The following MACROD2 variants were observed in gnomAD, a reference collection of about 807,000 sequenced individuals.
MACROD2 encodes ADP-ribose glycohydrolase MACROD2.
MACROD2 carries 36 observed loss-of-function variants against 70.4 expected under a neutral mutation model. The observed-to-expected ratio is 0.51, with a 90% confidence interval of 0.39 to 0.68. MACROD2 has a LOEUF of 0.68. Ranked by LOEUF, MACROD2 falls within the 30% of genes least tolerant of loss-of-function variation. The pLI, the probability that MACROD2 is intolerant of heterozygous loss-of-function variation, is 0.00. For synonymous variants in MACROD2, 172 were observed against 178.8 expected (o/e 0.96, Z 0.30); for missense variants, 496 against 538.4 (o/e 0.92, Z 0.78).
chr20:14,340,484 C>G (rs974900339), intron 3 of MACROD2, among the ~76,000 whole-genome samples: 24 of 151,128 alleles, frequency 1.6e-4, no homozygotes, highest in African/African-American at 5.4e-4. Flanking sequence ...TAGTACAGGG[C>G]CAATAACAGA....
chr20:14,143,779 T>C (rs770725686), intron 3 of MACROD2, among the ~76,000 whole-genome samples: 1 of 152,310 alleles, frequency 6.6e-6, no homozygotes, highest in Non-Finnish European at 1.5e-5. Flanking sequence ...ATGTTTAAAT[T>C]GTAATTTTGC....
In MACROD2 at chr20:14,230,654, T is replaced by TATATATA; in HGVS notation, c.271+144927_271+144928insTATATAA. Among the ~76,000 whole-genome samples, 13 of 74,240 alleles carry TATATATA rather than the reference T, an allele frequency of 1.8e-4. 1 individual carries two copies. In the South Asian group the frequency reaches 3.7e-3, roughly 21 times the overall value. The allele number at this position is 74,240 out of a possible 152,430, so 48.7% of individuals were successfully genotyped here. ...GTTTATATATATATATATATATATATAACACAGGCTGGGCCTATATATATA... is the reference window on the plus strand; with the variant it reads ...GTTTATATATATATATATATATATATATATATAAACACAGGCTGGGCCTATATATATA... On this transcript the variant is annotated intron_variant, in intron 3 of 17. Coordinates refer to ENST00000684519, the MANE Select transcript of MACROD2 (RefSeq NM_001351661.2).
chr20:14,457,809 T>C (rs1052305926), intron 3 of MACROD2, among the ~76,000 whole-genome samples: 2 of 152,198 alleles, frequency 1.3e-5, no homozygotes, highest in South Asian at 2.1e-4. Context: ...ATTTATATCA[T>C]AAATTAAAAG....
intron 8 of MACROD2, among the ~76,000 whole-genome samples, chr20:15,529,742 C>T (rs112862492): frequency 0.028 from 4,277 of 152,194 alleles, 67 homozygotes; most frequent in Non-Finnish European, 0.041. Context: ...ATTAAAACTC[C>T]TAACTTGACT....
chr20:14,106,786 C>T (rs950018613), intron 3 of MACROD2, among the ~76,000 whole-genome samples: 2 of 152,120 alleles, frequency 1.3e-5, no homozygotes, highest in Admixed American at 1.3e-4. Context: ...AGAGTCTCTG[C>T]CTAGTAATCC....
At chr20:14,183,876 TG>T (rs1361587831) in intron 3 of MACROD2, among the ~76,000 whole-genome samples, 5 of 152,258 alleles carry the variant, frequency 3.3e-5, no homozygotes, top group African/African-American at 7.2e-5. Flanking sequence ...CTCTTTGTAA[TG>T]GGGTTGTTTA....
At chr20:15,954,442 A>G (rs570875069) in intron 12 of MACROD2, among the ~76,000 whole-genome samples, 2 of 152,248 alleles carry the variant, frequency 1.3e-5, no homozygotes, top group African/African-American at 4.8e-5. Flanking sequence ...TATAACACTC[A>G]CTGCCATCTC....
Position 14,120,104 on chromosome 20 carries a change from T to C in MACROD2, c.271+34376T>C, listed in dbSNP as rs1454790226. Among the ~76,000 whole-genome samples, 5 of 148,576 alleles carry C rather than the reference T, an allele frequency of 3.4e-5. 1 individual carries two copies. The highest frequency in any genetic ancestry group is 2.7e-4 in the Admixed American group (4 of 14,768). On this transcript the variant is annotated intron_variant, in intron 3 of 17. Transcript: ENST00000684519. ...GGTGAGCACCTGTAATCCTAGCTAC[T>C]CGGGAGGCTGAGGCAAGGGAATTGC...
At chr20:15,759,816 T>C (rs1454546575) in intron 8 of MACROD2, among the ~76,000 whole-genome samples, 1 of 152,200 alleles carries the variant, frequency 6.6e-6, no homozygotes, top group Non-Finnish European at 1.5e-5. Context: ...CCCAGCAGTT[T>C]AGGCCAGAAG....
intron 3 of MACROD2, among the ~76,000 whole-genome samples, chr20:14,187,137 AGG>A (rs142963341): frequency 5.4e-5 from 7 of 128,742 alleles, no homozygotes; most frequent in African/African-American, 1.7e-4. Flanking sequence ...AGTTTAAAAA[AGG>A]AAAAAAAAAA....
intron 3 of MACROD2, among the ~76,000 whole-genome samples, chr20:14,096,133 G>C (rs1343093599): frequency 6.6e-6 from 1 of 152,098 alleles, no homozygotes; most frequent in Non-Finnish European, 1.5e-5. Context: ...CACACTTTTG[G>C]ACTGAGAGTG....
rs147469488 is a variant in MACROD2, at chr20:15,532,785, C to A, written c.645+32938C>A. Among the ~76,000 whole-genome samples the A allele has an allele frequency of 2.7e-3, 404 of 152,018 alleles. 2 individuals are homozygous for A. The highest frequency in any genetic ancestry group is 9.4e-3 in the African/African-American group (388 of 41,346). The stretch of plus-strand genomic sequence containing the variant: ...CTGGGTCTTAGGAAATCTTACCCCC[C>A]ATCCTGGTGTTGTCCTTATGAGCTC... On this transcript the variant is annotated intron_variant, in intron 8 of 17. Transcript: ENST00000684519.
chr20:15,727,171 G>A (rs967831950), intron 8 of MACROD2, among the ~76,000 whole-genome samples: 1 of 152,112 alleles, frequency 6.6e-6, no homozygotes, highest in African/African-American at 2.4e-5. Flanking sequence ...TGGCTAGCCA[G>A]TTATCCCAGC....
intron 4 of MACROD2, among the ~76,000 whole-genome samples, chr20:14,551,396 A>G (rs969766457): frequency 1.3e-5 from 2 of 152,246 alleles, no homozygotes; most frequent in African/African-American, 4.8e-5. Flanking sequence ...GATGAATGTC[A>G]TGAAAATGTT....
intron 3 of MACROD2, among the ~76,000 whole-genome samples, chr20:14,307,911 T>A (rs1398241679): frequency 3.9e-5 from 6 of 152,150 alleles, no homozygotes; most frequent in Non-Finnish European, 8.8e-5. Flanking sequence ...TTACTTTGGA[T>A]GATCTTACTG....
At chr20:16,004,122 A>T (rs753625014) in intron 15 of MACROD2, among the ~76,000 whole-genome samples, 1 of 151,850 alleles carries the variant, frequency 6.6e-6, no homozygotes, top group Non-Finnish European at 1.5e-5. Flanking sequence ...GTCACTGTGG[A>T]CCCCCAGTAC....
At chr20:15,626,488 T>A (rs577240019) in intron 8 of MACROD2, among the ~76,000 whole-genome samples, 38 of 152,300 alleles carry the variant, frequency 2.5e-4, no homozygotes, top group Middle Eastern at 3.4e-3. Flanking sequence ...CAACAAATAT[T>A]TATTAAATGT....
intron 8 of MACROD2, among the ~76,000 whole-genome samples, chr20:15,696,287 T>G (rs766092166): frequency 6.6e-6 from 1 of 152,234 alleles, no homozygotes; most frequent in Non-Finnish European, 1.5e-5. Flanking sequence ...TTGTTCTGCA[T>G]CTATTGAGAT....
intron 6 of MACROD2, among the ~76,000 whole-genome samples, chr20:15,367,567 A>ACC (rs2045429139): frequency 6.6e-6 from 1 of 152,188 alleles, no homozygotes; most frequent in Admixed American, 6.5e-5. Context: ...TGTACTCTTC[A>ACC]AAGATTTCTA....
Sources: allele counts gnomAD v4.1 joint callset (sites outside exome capture counted in the v4.1 genomes callset), GRCh38; gene constraint gnomAD v4.1.1; transcripts MANE v1.5; gene names NCBI Gene and HGNC (gene_info 2026-07-23, HGNC 2026-07-21).